Variants in BICRA observed in about 807,000 individuals in gnomAD.
The protein encoded by BICRA is BRD4 interacting chromatin remodeling complex associated protein, also known as BRD4-interacting chromatin-remodeling complex-associated protein.
A neutral mutation model predicts 96.9 loss-of-function variants in BICRA; 31 were observed. The ratio of observed to expected loss-of-function variants is 0.32; its 90% CI spans 0.24 to 0.43. The LOEUF (loss-of-function observed/expected upper bound fraction) is 0.43, where lower values mean the gene tolerates loss of function less well. BICRA is among the 20% of genes least tolerant of loss of function. The pLI is 1.00. For synonymous variants in BICRA, 1,350 were observed against 1,071.8 expected (o/e 1.26, Z -5.07); for missense variants, 2,283 against 2,190.3 (o/e 1.04, Z -0.84).
chr19:47,629,177 G>T (rs2123520281), intron 1 of BICRA, among the ~76,000 whole-genome samples: 2 of 151,684 alleles, frequency 1.3e-5, no homozygotes, highest in South Asian at 4.2e-4. Flanking sequence ...AATTTTTTTT[G>T]TGTTTTTAGT....
chr19:47,680,024 C>A lies in BICRA; in HGVS notation c.854C>A (p.Ala285Asp). 6.5e-7 allele frequency: 1 copy of A among 1,535,988 alleles called. No homozygotes were observed. Residue 285 changes from alanine (A) to aspartate (D), a missense_variant, in exon 6 of 15, where the codon GCT (alanine) becomes GAT (aspartate). Coordinates refer to ENST00000594866, the MANE Select transcript of BICRA (RefSeq NM_001394372.1). Reference sequence around the variant, plus strand: ...TCGGCCGGTGTCTCGCCACAGGGGGCTGGCCTGGTCATCCAGAAGAACCTC... The same window carrying A: ...TCGGCCGGTGTCTCGCCACAGGGGGATGGCCTGGTCATCCAGAAGAACCTC... ...LASAGVSPQGAGLVIQKNLSA... is the reference protein window; with the variant it reads ...LASAGVSPQGDGLVIQKNLSA...
chr19:47,641,366 A>T (rs964477936), intron 1 of BICRA, among the ~76,000 whole-genome samples: 5 of 152,136 alleles, frequency 3.3e-5, no homozygotes, highest in African/African-American at 1.2e-4. Context: ...TGTTACCCCA[A>T]AAGGATCAAT....
chr19:47,678,585 G>T (rs989653795), intron 5 of BICRA, among the ~76,000 whole-genome samples: 2 of 152,142 alleles, frequency 1.3e-5, no homozygotes, highest in African/African-American at 4.8e-5. Context: ...AGGGTGCCCC[G>T]CTGGGTCTTA....
chr19:47,639,991 C>T (rs1395118407), intron 1 of BICRA, among the ~76,000 whole-genome samples: 1 of 152,122 alleles, frequency 6.6e-6, no homozygotes, highest in East Asian at 1.9e-4. Context: ...TTACCAGGCT[C>T]AGCCTCTTTC....
intron 1 of BICRA, among the ~76,000 whole-genome samples, chr19:47,631,737 C>T (rs993819702): frequency 6.6e-6 from 1 of 152,130 alleles, no homozygotes; most frequent in African/African-American, 2.4e-5. Flanking sequence ...CAGCCTCTGC[C>T]TCTTGGGTTC....
chr19:47,622,761 C>T lies in BICRA; in HGVS notation c.-108+13593C>T, dbSNP rs184695142. Among the ~76,000 whole-genome samples the T allele has an allele frequency of 6.3e-3, 934 of 147,170 alleles. 5 individuals are homozygous for T. Among genetic ancestry groups the T allele is most frequent in the Non-Finnish European group, 0.01 (684 of 67,144 alleles). On this transcript the variant is annotated intron_variant, in intron 1 of 14. Transcript: ENST00000594866. ...AAAAAAAAAAAATTTAGGAGTGGGC[C>T]GGGTGCGGTGGCTCATGCCTGTAAT...
At chr19:47,695,342 T>TCGGGGG in intron 9 of BICRA, 23 bp from the exon 10 acceptor site, 6 of 630,174 alleles carry the variant, frequency 9.5e-6, no homozygotes, top group South Asian at 1.9e-5. Context: ...AGGCCCTGTC[T>TCGGGGG]CCCCCACCCC....
intron 1 of BICRA, among the ~76,000 whole-genome samples, chr19:47,619,601 A>AAATCC (rs1463923918): frequency 6.6e-6 from 1 of 151,922 alleles, no homozygotes; most frequent in East Asian, 1.9e-4. Context: ...GTATACAGTA[A>AAATCC]AATCCGCAGA....
intron 1 of BICRA, among the ~76,000 whole-genome samples, chr19:47,618,458 A>G (rs992168584): frequency 1.3e-5 from 2 of 152,198 alleles, no homozygotes; most frequent in East Asian, 1.9e-4. Flanking sequence ...CCTGGCTCAG[A>G]GTAAACGGTC....
At chr19:47,637,204 T>G (rs906075448) in intron 1 of BICRA, among the ~76,000 whole-genome samples, 4 of 142,324 alleles carry the variant, frequency 2.8e-5, no homozygotes, top group African/African-American at 8.0e-5. Context: ...ACTGAAAGCT[T>G]CACCTCCCGG....
chr19:47,625,161 A>G (rs60988939), intron 1 of BICRA, among the ~76,000 whole-genome samples: 43,745 of 151,388 alleles, frequency 0.29, 6,498 homozygotes, highest in Non-Finnish European at 0.32. Flanking sequence ...CACCACGCCC[A>G]GCTAATTTTT....
At chr19:47,609,732 C>A (rs1971869091) in intron 1 of BICRA, among the ~76,000 whole-genome samples, 1 of 152,030 alleles carries the variant, frequency 6.6e-6, no homozygotes, top group South Asian at 2.1e-4. Flanking sequence ...CTCCCCGCCT[C>A]GCTCGGCCCC....
At chr19:47,622,784 A>G (rs1972084351) in intron 1 of BICRA, among the ~76,000 whole-genome samples, 1 of 151,542 alleles carries the variant, frequency 6.6e-6, no homozygotes, top group Non-Finnish European at 1.5e-5. Context: ...TCATGCCTGT[A>G]ATCCTAGCAC....
intron 7 of BICRA, among the ~76,000 whole-genome samples, chr19:47,688,945 G>C (rs1319087225): frequency 1.3e-5 from 2 of 151,786 alleles, no homozygotes; most frequent in Admixed American, 1.3e-4. Flanking sequence ...TTCTGCCTCA[G>C]CCTCCCAAGT....
intron 1 of BICRA, chr19:47,661,928 A>T (rs1878385165): frequency 6.6e-6 from 1 of 152,060 alleles, no homozygotes; most frequent in Non-Finnish European, 1.5e-5. Context: ...GGCATTTGAG[A>T]CCTGCCTGGG....
intron 7 of BICRA, among the ~76,000 whole-genome samples, chr19:47,684,258 C>A (rs1246790903): frequency 6.6e-6 from 1 of 152,214 alleles, no homozygotes; most frequent in Non-Finnish European, 1.5e-5. Context: ...TCTCGGCTCG[C>A]TGCAATCTCC....
rs530598985 is a variant in BICRA at position 47,641,633 on chromosome 19, C to T, written c.-107-28810C>T. Among the ~76,000 whole-genome samples the T allele has an allele frequency of 1.2e-4, 19 of 152,102 alleles. No homozygotes were observed. The East Asian group carries it at 3.5e-3, about 28-fold the overall frequency. On this transcript the variant is annotated intron_variant, in intron 1 of 14. Coordinates refer to ENST00000594866, the MANE Select transcript of BICRA (RefSeq NM_001394372.1). ...CAGCCTGGGTGACAGACCGACACCC[C>T]ATTTCAAAAAATATAAAATAAAATA...
At chr19:47,671,776 G>C (rs1972865901) in intron 2 of BICRA, among the ~76,000 whole-genome samples, 1 of 140,922 alleles carries the variant, frequency 7.1e-6, no homozygotes, top group South Asian at 2.5e-4. Flanking sequence ...GGATGGGCAA[G>C]TAGATGGAAG....
intron 11 of BICRA, among the ~76,000 whole-genome samples, 162 bp downstream of exon 11, chr19:47,696,674 CT>C (rs1271407900): frequency 6.6e-6 from 1 of 152,250 alleles, no homozygotes. Context: ...CAGTTTCCCC[CT>C]CTGGAAAATG....
Sources: allele counts gnomAD v4.1 joint callset (sites outside exome capture counted in the v4.1 genomes callset), GRCh38; gene constraint gnomAD v4.1.1; transcripts MANE v1.5; gene names NCBI Gene and HGNC (gene_info 2026-07-23, HGNC 2026-07-21).